Variants in MARCHF6 observed in about 807,000 individuals in gnomAD.
MARCHF6 encodes the protein membrane associated ring-CH-type finger 6.
MARCHF6 carries 31 observed loss-of-function variants against 133.7 expected under a neutral mutation model. That is an observed-to-expected ratio of 0.23 (90% CI 0.17 to 0.31). The LOEUF is 0.31. Among genes scored for constraint, MARCHF6 ranks in the 10% least tolerant of loss-of-function variants. MARCHF6 has a pLI of 1.00. For synonymous variants in MARCHF6, 395 were observed against 402.5 expected, an observed-to-expected ratio of 0.98 and a Z score of 0.22; for missense variants, 723 against 1,121.6, an observed-to-expected ratio of 0.64 and a Z score of 5.08.
chr5:10,364,963 C>G (rs1736051234), intron 1 of MARCHF6, among the ~76,000 whole-genome samples: 1 of 151,898 alleles, frequency 6.6e-6, no homozygotes, highest in Non-Finnish European at 1.5e-5. Flanking sequence ...GCCACCACGC[C>G]CGGCTAATTT....
rs773796064 is a variant in MARCHF6 at position 10,390,404 on chromosome 5, G to A, written c.480G>A (p.Leu160=). Residue 160 remains leucine (L), a synonymous_variant, in exon 6 of 26, where the codon CTG becomes CTA. Transcript: ENST00000274140. ...VTCTLCAFIS[L]VWLREQIVHG... ...GCACACTGTGTGCATTCATCAGCCT[G>A]GTGTGGTTGAGAGAGCAGATAGTCC... 6.2e-7 allele frequency: 1 copy of A among 1,613,928 alleles called. No individual in the cohort carries two copies. The highest frequency in any genetic ancestry group is 8.5e-7 in the Non-Finnish European group (1 of 1,179,994).
intron 24 of MARCHF6, among the ~76,000 whole-genome samples, chr5:10,427,364 A>G (rs1740141045): frequency 6.6e-6 from 1 of 152,208 alleles, no homozygotes; most frequent in Non-Finnish European, 1.5e-5. Context: ...CTCTTTGGTG[A>G]ACATTTTTTT....
At chr5:10,358,175 C>CT (rs1735595939) in intron 1 of MARCHF6, among the ~76,000 whole-genome samples, 1 of 152,020 alleles carries the variant, frequency 6.6e-6, no homozygotes, top group Admixed American at 6.6e-5. Flanking sequence ...TGTGAAGTGT[C>CT]TAAGATGGGA....
Position 10,435,656 on chromosome 5 carries a change from TATATATATATATATATATATATATATATA to T in MARCHF6, c.*1973_*2001del, listed in dbSNP as rs1740591303. 1 of 3,752 alleles carries T rather than the reference TATATATATATATATATATATATATATATA, an allele frequency of 2.7e-4. No homozygotes were observed. The highest frequency in any genetic ancestry group is 1.9e-3 in the African/African-American group (1 of 516). 0.2% of individuals were successfully genotyped at this position (3,752 alleles called of 1,614,324 possible). On this transcript the variant is annotated 3_prime_UTR_variant, in exon 26 of 26. Coordinates refer to ENST00000274140, the MANE Select transcript of MARCHF6 (RefSeq NM_005885.4). Reference sequence around the variant, plus strand: ...CTATATAACTATATATATATATATATATATATATATATATATATATATATATATATATATATATATATTTTTTTTTTTTT... The same window carrying T: ...CTATATAACTATATATATATATATATTATATATATATATTTTTTTTTTTTT...
At position 10,405,697 on chromosome 5, in the gene MARCHF6, G is replaced by GT. The variant is rs376029502; in HGVS notation, c.1452+32dup. ...TCAGTGGTAAGAAGATGTTTCCATT[G>GT]TTTTTTTTTTTTGAATTAATTGTGC... On this transcript the variant is annotated intron_variant, in intron 16 of 25. Coordinates refer to ENST00000274140, the MANE Select transcript of MARCHF6 (RefSeq NM_005885.4). The GT allele has an allele frequency of 0.15, 137,130 of 935,088 alleles. 71 individuals carry two copies. The highest frequency in any genetic ancestry group is 0.17 in the South Asian group (8,632 of 51,748). 57.9% of individuals were successfully genotyped at this position (935,088 alleles called of 1,614,324 possible). A position where few individuals can be genotyped will look rare whatever the true frequency, so the allele number is the denominator to read the frequency against.
intron 4 of MARCHF6, among the ~76,000 whole-genome samples, chr5:10,385,955 T>C (rs921458140): frequency 1.3e-5 from 2 of 152,188 alleles, no homozygotes; most frequent in African/African-American, 4.8e-5. Context: ...ACGATACATA[T>C]TCTGTAACTT....
chr5:10,432,661 A>G lies in MARCHF6; in HGVS notation c.2643-933A>G, dbSNP rs1740423394. Among the ~76,000 whole-genome samples, 3 of 152,328 alleles carry G rather than the reference A, an allele frequency of 2.0e-5. No homozygotes were observed. In the South Asian group the frequency reaches 6.2e-4, roughly 32 times the overall value. On this transcript the variant is annotated intron_variant, in intron 25 of 25. Transcript: ENST00000274140. Reference sequence around the variant, plus strand: ...TCTCCTGCCCTGTCACTCCAACTACAGTAACATCTGCCTTGTTTCTGCAGC... The same window carrying G: ...TCTCCTGCCCTGTCACTCCAACTACGGTAACATCTGCCTTGTTTCTGCAGC...
chr5:10,416,389 A>G (rs1214281363), intron 21 of MARCHF6, among the ~76,000 whole-genome samples: 1 of 152,238 alleles, frequency 6.6e-6, no homozygotes, highest in Non-Finnish European at 1.5e-5. Flanking sequence ...GTTGAAGAAA[A>G]ATATAAAATC....
At chr5:10,398,406 A>G (rs773160022) in intron 10 of MARCHF6, among the ~76,000 whole-genome samples, 6 of 152,194 alleles carry the variant, frequency 3.9e-5, no homozygotes, top group Non-Finnish European at 8.8e-5. Context: ...TTTGTTAACA[A>G]AGTATTTCGG....
intron 5 of MARCHF6, among the ~76,000 whole-genome samples, chr5:10,387,658 T>C (rs953900767): frequency 1.3e-5 from 2 of 152,270 alleles, no homozygotes; most frequent in South Asian, 2.1e-4. Flanking sequence ...TACTGTCTTA[T>C]GTTCACAAAA....
At chr5:10,416,857 A>G (rs1323955972) in intron 21 of MARCHF6, among the ~76,000 whole-genome samples, 6 of 152,160 alleles carry the variant, frequency 3.9e-5, no homozygotes, top group South Asian at 4.1e-4. Flanking sequence ...GGTAAGTTCT[A>G]TTGGACCATG....
intron 1 of MARCHF6, among the ~76,000 whole-genome samples, chr5:10,362,496 A>G (rs1384939722): frequency 1.3e-5 from 2 of 152,238 alleles, no homozygotes; most frequent in Non-Finnish European, 2.9e-5. Context: ...TTATATGTAA[A>G]GATAGATATT....
At chr5:10,391,447 T>TTTG in intron 6 of MARCHF6, 95 bp from the exon 7 acceptor site, 1 of 532,224 alleles carries the variant, frequency 1.9e-6, no homozygotes, top group South Asian at 3.3e-5. Flanking sequence ...TTTTTTTTTT[T>TTTG]TTTTTTTTTT....
intron 22 of MARCHF6, among the ~76,000 whole-genome samples, chr5:10,418,974 A>G (rs912795158): frequency 6.6e-6 from 1 of 152,216 alleles, no homozygotes; most frequent in Admixed American, 6.5e-5. Context: ...CTAGTAGAGA[A>G]CAGAGAAGTG....
chr5:10,418,701 T>G (rs181115534), intron 22 of MARCHF6, among the ~76,000 whole-genome samples: 11 of 152,352 alleles, frequency 7.2e-5, no homozygotes, highest in Non-Finnish European at 1.3e-4. Context: ...AAACTTCATT[T>G]ACCCGAAAAT....
In MARCHF6 at chr5:10,365,046, A is replaced by G. The variant is rs1199394520; in HGVS notation, c.19+11129A>G. Among the ~76,000 whole-genome samples, 3 of 151,822 alleles carry G rather than the reference A, an allele frequency of 2.0e-5. No individual in the cohort carries two copies. The East Asian group carries it at 5.8e-4, about 29-fold the overall frequency. On this transcript the variant is annotated intron_variant, in intron 1 of 25. Transcript: ENST00000274140. ...TTGAACTCCTGACCTCAGTTGATCTACCCACCTCAGCCTCCCAAAGTGCTG... is the reference window on the plus strand; with the variant it reads ...TTGAACTCCTGACCTCAGTTGATCTGCCCACCTCAGCCTCCCAAAGTGCTG...
intron 23 of MARCHF6, among the ~76,000 whole-genome samples, chr5:10,426,114 T>A (rs1294149374): frequency 1.3e-5 from 2 of 152,232 alleles, no homozygotes; most frequent in African/African-American, 2.4e-5. Context: ...TCATCTGGTA[T>A]TGTATAGTGC....
rs1436616533 is a variant in MARCHF6 at position 10,439,212 on chromosome 5, A to G, written c.*5528A>G. 2 of 152,218 alleles carry G rather than the reference A, an allele frequency of 1.3e-5. No homozygotes were observed. The highest frequency in any genetic ancestry group is 4.8e-5 in the African/African-American group (2 of 41,442). The allele number at this position is 152,218 out of a possible 1,614,324, so 9.4% of individuals were successfully genotyped here. ...GACAACTGGTTTTTGACAGAGGTGC[A>G]AAGGTCTTGAAAAAATGATGCTGGA... On this transcript the variant is annotated 3_prime_UTR_variant, in exon 26 of 26. Transcript: ENST00000274140.
At chr5:10,374,088 G>A (rs1016511921) in intron 1 of MARCHF6, among the ~76,000 whole-genome samples, 1 of 151,282 alleles carries the variant, frequency 6.6e-6, no homozygotes, top group East Asian at 2.0e-4. Flanking sequence ...ATTTGATTCT[G>A]CAGAGAGAGA....
Sources: gnomAD v4.1 joint callset for allele counts (sites outside exome capture counted in the v4.1 genomes callset) on GRCh38, gnomAD v4.1.1 for gene constraint, MANE v1.5 for transcripts, NCBI Gene and HGNC (gene_info 2026-07-23, HGNC 2026-07-21) for gene names.